The following LINC00305 variants were observed in gnomAD, a reference collection of about 807,000 sequenced individuals.
LINC00305 encodes the protein long intergenic non-protein coding RNA 305.
chr18:64,103,977 T>A (rs1341446839), intron 1 of LINC00305: 7 of 152,254 alleles, frequency 4.6e-5, no homozygotes, highest in Admixed American at 3.9e-4. Flanking sequence ...AAAATGTATT[T>A]CTTATGTCAA....
At chr18:64,129,094 C>T (rs1358543699) in intron 1 of LINC00305, among the ~76,000 whole-genome samples, 1 of 152,144 alleles carries the variant, frequency 6.6e-6, no homozygotes, top group East Asian at 1.9e-4. Flanking sequence ...TAAATTTCTT[C>T]AAGAGTGCCT....
chr18:64,095,085 C>T (rs929311380), intron 3 of LINC00305, among the ~76,000 whole-genome samples: 34 of 152,002 alleles, frequency 2.2e-4, no homozygotes, highest in Admixed American at 8.5e-4. Context: ...AGGCTGCTGG[C>T]TTTACTAAAA....
At chr18:64,085,301 C>G (rs2051199156) in intron 3 of LINC00305, among the ~76,000 whole-genome samples, 1 of 152,202 alleles carries the variant, frequency 6.6e-6, no homozygotes, top group Non-Finnish European at 1.5e-5. Flanking sequence ...CTTCTCCATT[C>G]TTCAAGGCAC....
chr18:64,105,091 A>G lies in LINC00305; in HGVS notation n.315-6451T>C, dbSNP rs191290868. Among the ~76,000 whole-genome samples the G allele has an allele frequency of 2.2e-4, 33 of 148,374 alleles. No homozygotes were observed. The East Asian group carries it at 6.2e-3, about 28-fold the overall frequency. On this transcript the variant is annotated intron_variant and non_coding_transcript_variant, in intron 1 of 3. Coordinates refer to ENST00000666468, the Ensembl canonical transcript of LINC00305. ...TAAGACCTCAGAGCAAAAGAGTCAG[A>G]AAAAAAAGGACAGTTTTTTATTTTT...
rs567324939 is a variant in LINC00305, at chr18:64,126,713, G to A, written n.314+22062C>T. On this transcript the variant is annotated intron_variant and non_coding_transcript_variant, in intron 1 of 3. Coordinates refer to ENST00000666468, the Ensembl canonical transcript of LINC00305. ...TGAGTGATTGAGTGGTGATCAAAGC[G>A]TGTCCAGCTGTAGTTTCATGTTGCT... is the stretch of plus-strand genomic sequence containing the variant. Among the ~76,000 whole-genome samples, 5 of 152,150 alleles carry A rather than the reference G, an allele frequency of 3.3e-5. No individual in the cohort carries two copies. The South Asian group carries it at 6.2e-4, about 19-fold the overall frequency.
intron 1 of LINC00305, among the ~76,000 whole-genome samples, chr18:64,121,584 A>G (rs147197610): frequency 9.7e-4 from 147 of 152,202 alleles, no homozygotes; most frequent in African/African-American, 3.5e-3. Context: ...TTCTTTATCC[A>G]GTCATTTGTT....
chr18:64,085,305 A>G (rs529235043), intron 3 of LINC00305, among the ~76,000 whole-genome samples: 2 of 152,238 alleles, frequency 1.3e-5, no homozygotes, highest in African/African-American at 4.8e-5. Flanking sequence ...TCCATTCTTC[A>G]AGGCACAGAT....
intron 1 of LINC00305, among the ~76,000 whole-genome samples, chr18:64,128,107 A>G (rs1471388759): frequency 6.6e-6 from 1 of 152,128 alleles, no homozygotes; most frequent in African/African-American, 2.4e-5. Flanking sequence ...GTCAGATTAA[A>G]TCAAATAATG....
intron 1 of LINC00305, among the ~76,000 whole-genome samples, chr18:64,130,112 T>A (rs535126318): frequency 2.7e-4 from 41 of 152,230 alleles, no homozygotes; most frequent in Admixed American, 1.4e-3. Flanking sequence ...ATATATCTCC[T>A]ACAACACTCT....
intron 3 of LINC00305, among the ~76,000 whole-genome samples, chr18:64,092,469 G>A (rs757167167): frequency 4.6e-5 from 7 of 152,248 alleles, no homozygotes; most frequent in East Asian, 1.9e-4. Flanking sequence ...GGCTGAGGCC[G>A]GAGAATCGCT....
At chr18:64,094,631 G>C (rs142331738) in intron 3 of LINC00305, among the ~76,000 whole-genome samples, 157 of 152,250 alleles carry the variant, frequency 1.0e-3, no homozygotes, top group African/African-American at 3.3e-3. Flanking sequence ...GGGAGGCTGA[G>C]GGGGGCAGAT....
At chr18:64,084,662 T>G (rs2051196640) in intron 3 of LINC00305, among the ~76,000 whole-genome samples, 1 of 152,244 alleles carries the variant, frequency 6.6e-6, no homozygotes, top group East Asian at 1.9e-4. Context: ...CATACTACAG[T>G]AAACATGCAT....
At chr18:64,115,736 A>T (rs2051334722) in intron 1 of LINC00305, among the ~76,000 whole-genome samples, 1 of 152,124 alleles carries the variant, frequency 6.6e-6, no homozygotes, top group Admixed American at 6.5e-5. Flanking sequence ...ATAAGTATTT[A>T]CTTTTAAAAA....
In LINC00305 at chr18:64,097,167, A is replaced by G. The variant is rs1016264490; in HGVS notation, n.540+667T>C. Among the ~76,000 whole-genome samples the G allele has an allele frequency of 5.3e-5, 8 of 152,194 alleles. 1 individual carries two copies. The highest frequency in any genetic ancestry group is 1.9e-4 in the African/African-American group (8 of 41,568). On this transcript the variant is annotated intron_variant and non_coding_transcript_variant, in intron 3 of 3. Transcript: ENST00000666468. ...TGGATATAACTATCCATATGTGATT[A>G]TTTAAGAAAGTTGTAATATGTGTTT...
At chr18:64,113,984 A>C (rs1270185704) in intron 1 of LINC00305, among the ~76,000 whole-genome samples, 1 of 152,234 alleles carries the variant, frequency 6.6e-6, no homozygotes, top group Non-Finnish European at 1.5e-5. Flanking sequence ...AAATGAAAGA[A>C]AATGGCTGGG....
At chr18:64,097,801 A>C (rs929489592) in intron 3 of LINC00305, 1 of 448,022 alleles carries the variant, frequency 2.2e-6, no homozygotes, top group Non-Finnish European at 4.5e-6. Flanking sequence ...AATAACTTAA[A>C]AAACTTTTTG....
At chr18:64,144,736 A>G (rs1462701399) in intron 1 of LINC00305, among the ~76,000 whole-genome samples, 1 of 152,158 alleles carries the variant, frequency 6.6e-6, no homozygotes, top group African/African-American at 2.4e-5. Context: ...ATTATTGTAA[A>G]TACAAAATTG....
intron 3 of LINC00305, among the ~76,000 whole-genome samples, chr18:64,097,632 A>C (rs568857020): frequency 6.6e-6 from 1 of 152,112 alleles, no homozygotes; most frequent in South Asian, 2.1e-4. Flanking sequence ...GAACATTCTT[A>C]AAAAGAGCCT....
At chr18:64,080,707 A>G (rs911597681) in intron 3 of LINC00305, among the ~76,000 whole-genome samples, 7 of 152,182 alleles carry the variant, frequency 4.6e-5, no homozygotes, top group Non-Finnish European at 1.0e-4. Context: ...CAGAAACAAT[A>G]CAATGATAAG....
Sources: allele counts gnomAD v4.1 joint callset (sites outside exome capture counted in the v4.1 genomes callset), GRCh38; gene constraint gnomAD v4.1.1; transcripts MANE v1.5; gene names NCBI Gene and HGNC (gene_info 2026-07-23, HGNC 2026-07-21).